ALDH18A1: variants seen among roughly 807,000 people sequenced by gnomAD.
ALDH18A1 encodes the protein aldehyde dehydrogenase 18 family member A1.
A neutral mutation model predicts 88.8 loss-of-function variants in ALDH18A1; 44 were observed. The ratio of observed to expected loss-of-function variants is 0.50; its 90% CI spans 0.39 to 0.64. ALDH18A1 has a LOEUF of 0.64. Among genes scored for constraint, ALDH18A1 ranks in the 30% least tolerant of loss-of-function variants. ALDH18A1 has a pLI of 0.00. For synonymous variants in ALDH18A1, 331 were observed against 372.1 expected (o/e 0.89, Z 1.27); for missense variants, 782 against 1,009.5 (o/e 0.77, Z 3.05).
At chr10:95,635,946 A>G (rs2097879796) in intron 5 of ALDH18A1, among the ~76,000 whole-genome samples, 1 of 151,294 alleles carries the variant, frequency 6.6e-6, no homozygotes, top group Admixed American at 6.6e-5. Flanking sequence ...AAGAGAAACC[A>G]AATAATAAAG....
chr10:95,619,116 G>T (rs552166387), intron 12 of ALDH18A1, among the ~76,000 whole-genome samples: 30 of 152,232 alleles, frequency 2.0e-4, no homozygotes, highest in African/African-American at 7.2e-4. Context: ...AAATCAATGT[G>T]CAAAAATCAC....
At chr10:95,633,727 C>T in intron 5 of ALDH18A1, 78 bp from the exon 6 acceptor site, 1 of 1,514,890 alleles carries the variant, frequency 6.6e-7, no homozygotes, top group Non-Finnish European at 9.1e-7. Context: ...ACGCTAAGAG[C>T]AGGGGAGTTA....
At chr10:95,633,323 T>C (rs2097874235) in intron 6 of ALDH18A1, among the ~76,000 whole-genome samples, 168 bp downstream of exon 6, 4 of 152,224 alleles carry the variant, frequency 2.6e-5, no homozygotes, top group Admixed American at 2.6e-4. Flanking sequence ...CCTCACCCTG[T>C]TGAATGCAAC....
At chr10:95,629,934 A>AT (rs35613419) in intron 7 of ALDH18A1, among the ~76,000 whole-genome samples, 28,751 of 148,496 alleles carry the variant, frequency 0.19, 3,098 homozygotes, top group East Asian at 0.49. Context: ...AAAACCTTAC[A>AT]TTTTTTTTTT....
intron 7 of ALDH18A1, 38 bp from the exon 8 acceptor site, chr10:95,628,530 G>T (rs2097863585): frequency 1.2e-6 from 2 of 1,606,944 alleles, no homozygotes; most frequent in Non-Finnish European, 1.7e-6. Flanking sequence ...CTGCTTTGAT[G>T]GAAGTGTCTC....
In ALDH18A1 at chr10:95,625,331, C is replaced by A. The variant is rs773959742; in HGVS notation, c.1246+31G>T. 1.9e-6 allele frequency: 3 copies of A among 1,592,980 alleles called. No individual in the cohort carries two copies. In the South Asian group the frequency reaches 3.3e-5, roughly 18 times the overall value. On this transcript the variant is annotated intron_variant, in intron 11 of 17. Coordinates refer to ENST00000371224, the MANE Select transcript of ALDH18A1 (RefSeq NM_002860.4). ...AACCAAAATAATGCACACCCCTCCA[C>A]AACATTGACTTTAAATTGCCTGGTC...
At chr10:95,653,264 A>G in intron 2 of ALDH18A1, 26 bp downstream of exon 2, 1 of 1,558,024 alleles carries the variant, frequency 6.4e-7, no homozygotes, top group Non-Finnish European at 8.8e-7. Flanking sequence ...CGTCCCACAT[A>G]CTCATAAGTT....
At chr10:95,619,513 C>A (rs1284562361) in intron 12 of ALDH18A1, among the ~76,000 whole-genome samples, 4 of 152,184 alleles carry the variant, frequency 2.6e-5, no homozygotes, top group Non-Finnish European at 5.9e-5. Flanking sequence ...AAGCTGGAGG[C>A]ATCATGCTAC....
chr10:95,620,834 A>C (rs1248489307), intron 12 of ALDH18A1, among the ~76,000 whole-genome samples, 197 bp downstream of exon 12: 1 of 151,896 alleles, frequency 6.6e-6, no homozygotes, highest in Non-Finnish European at 1.5e-5. Flanking sequence ...AGAAATAACT[A>C]ATGTAAATGA....
intron 13 of ALDH18A1, 114 bp downstream of exon 13, chr10:95,616,363 T>A (rs1046440307): frequency 1.4e-6 from 2 of 1,418,994 alleles, no homozygotes; most frequent in Non-Finnish European, 1.9e-6. Context: ...TGCTGGAGTG[T>A]CAAGTCTGCT....
chr10:95,633,347 G>C lies in ALDH18A1; in HGVS notation c.717+144C>G. ...GTTGAATGCAACCACGAGTTCAGAAGAGCTTATGCAGTCACTGCTCCATGA... is the reference window on the plus strand; with the variant it reads ...GTTGAATGCAACCACGAGTTCAGAACAGCTTATGCAGTCACTGCTCCATGA... On this transcript the variant is annotated intron_variant, in intron 6 of 17. Transcript: ENST00000371224. The C allele has an allele frequency of 8.6e-6, 9 of 1,040,918 alleles. No individual in the cohort carries two copies. The South Asian group carries it at 1.3e-4, about 15-fold the overall frequency. 64.5% of individuals were successfully genotyped at this position (1,040,918 alleles called of 1,614,324 possible).
chr10:95,606,401 A>G lies in ALDH18A1; in HGVS notation c.*361T>C. 2 of 1,135,030 alleles carry G rather than the reference A, an allele frequency of 1.8e-6. No homozygotes were observed. Among genetic ancestry groups the G allele is most frequent in the Non-Finnish European group, 2.2e-6 (2 of 920,334 alleles). The allele number at this position is 1,135,030 out of a possible 1,614,324, so 70.3% of individuals were successfully genotyped here. Reference sequence around the variant, plus strand: ...AGATTTGTTAAGGATGACTGGCTCTAGTACCAACTAAATGCCAAGGGGGAC... The same window carrying G: ...AGATTTGTTAAGGATGACTGGCTCTGGTACCAACTAAATGCCAAGGGGGAC... On this transcript the variant is annotated 3_prime_UTR_variant, in exon 18 of 18. Transcript: ENST00000371224.
intron 8 of ALDH18A1, 129 bp downstream of exon 8, chr10:95,628,239 G>T: frequency 1.6e-6 from 2 of 1,274,440 alleles, no homozygotes; most frequent in South Asian, 1.2e-5. Context: ...ATTTAGGTAT[G>T]TACATATTTA....
intron 15 of ALDH18A1, among the ~76,000 whole-genome samples, chr10:95,611,921 G>T (rs149015124): frequency 6.6e-6 from 1 of 151,896 alleles, no homozygotes; most frequent in East Asian, 1.9e-4. Context: ...AGTGAGCCAA[G>T]ATTGTGCCAC....
At position 95,649,515 on chromosome 10, in the gene ALDH18A1, C is replaced by T. The variant is rs577267556; in HGVS notation, c.88+3775G>A. The stretch of plus-strand genomic sequence containing the variant: ...GACTACAGGCACCTGCCACCACACC[C>T]GGCTAATTTTTTGTGTTTTTTAGTA... On this transcript the variant is annotated intron_variant, in intron 2 of 17. Transcript: ENST00000371224. 9.2e-5 allele frequency among the ~76,000 whole-genome samples: 14 copies of T among 151,908 alleles called. No homozygotes were observed. In the East Asian group the frequency reaches 1.9e-3, roughly 21 times the overall value.
At chr10:95,633,463 G>A (rs778150130) in intron 6 of ALDH18A1, 28 bp downstream of exon 6, 8 of 1,613,792 alleles carry the variant, frequency 5.0e-6, no homozygotes, top group Non-Finnish European at 6.8e-6. Flanking sequence ...TCTCCAGCAT[G>A]CTAAACCCTT....
chr10:95,654,308 G>C (rs1049417527), intron 1 of ALDH18A1, among the ~76,000 whole-genome samples: 12 of 151,926 alleles, frequency 7.9e-5, no homozygotes, highest in Admixed American at 4.6e-4. Context: ...GGGACTACAG[G>C]CACGCGCTAC....
chr10:95,612,196 G>A (rs1472932907), intron 15 of ALDH18A1, among the ~76,000 whole-genome samples: 1 of 152,198 alleles, frequency 6.6e-6, no homozygotes, highest in Non-Finnish European at 1.5e-5. Context: ...GAGGTAAGCA[G>A]TACTTGGTCA....
chr10:95,654,324 C>G (rs2097914719), intron 1 of ALDH18A1, among the ~76,000 whole-genome samples: 1 of 152,014 alleles, frequency 6.6e-6, no homozygotes, highest in Non-Finnish European at 1.5e-5. Flanking sequence ...GCTACCATGC[C>G]TGGCTAATTT....
Sources: gnomAD v4.1 joint callset for allele counts (sites outside exome capture counted in the v4.1 genomes callset) on GRCh38, gnomAD v4.1.1 for gene constraint, MANE v1.5 for transcripts, NCBI Gene and HGNC (gene_info 2026-07-23, HGNC 2026-07-21) for gene names.